The following NRK variants were observed in gnomAD, a reference collection of about 807,000 sequenced individuals.
NRK encodes the protein nik-related protein kinase.
Under a neutral mutation model 125.2 loss-of-function variants are expected in NRK, and 67 were observed. The ratio of observed to expected loss-of-function variants is 0.54; its 90% confidence interval spans 0.44 to 0.66. The LOEUF is 0.66. Ranked by LOEUF, NRK falls within the 30% of genes least tolerant of loss-of-function variation. The pLI, the probability that NRK is intolerant of heterozygous loss-of-function variation, is 0.00. For missense variants in NRK, 1,224 were observed against 1,192.9 expected (o/e 1.03, Z -0.38); for synonymous variants, 458 against 429.0 (o/e 1.07, Z -0.84).
At position 105,921,667 on chromosome X, in the gene NRK, A is replaced by G. The variant is rs1399639015; in HGVS notation, c.2513-297A>G. On this transcript the variant is annotated intron_variant, in intron 16 of 28. Coordinates refer to ENST00000243300, the MANE Select transcript of NRK (RefSeq NM_198465.4). ...TATCTACCTGGCTATCAGTTGGACT[A>G]TGTATCTTCTTACATAGATAGAGAT... is the stretch of plus-strand genomic sequence containing the variant. Among the ~76,000 whole-genome samples, 3 of 108,637 alleles carry G rather than the reference A, an allele frequency of 2.8e-5. No homozygotes were observed. In the Admixed American group the frequency reaches 3.0e-4, roughly 11 times the overall value. The allele number at this position is 108,637 out of a possible 115,157, so 94.3% of individuals were successfully genotyped here.
At position 105,822,920 on chromosome X, in the gene NRK, G is replaced by A; in HGVS notation, c.57+18G>A. ...ACCTGCCGGTGAGTAGAGGACGCCC[G>A]TCGCCCCCCGAAATGCTCTCTTTTG... On this transcript the variant is annotated intron_variant, in intron 1 of 28. Transcript: ENST00000243300. 1 of 1,144,606 alleles carries A rather than the reference G, an allele frequency of 8.7e-7. No individual in the cohort carries two copies. The highest frequency in any genetic ancestry group is 1.2e-6 in the Non-Finnish European group (1 of 854,202). 94.3% of individuals were successfully genotyped at this position (1,144,606 alleles called of 1,213,427 possible).
intron 2 of NRK, among the ~76,000 whole-genome samples, chrX:105,879,048 C>T (rs1167193060): frequency 9.0e-6 from 1 of 110,997 alleles, no homozygotes; most frequent in Non-Finnish European, 1.9e-5. Context: ...ATCAACAATC[C>T]TTGACATTTC....
At chrX:105,839,081 T>G (rs914662150) in intron 2 of NRK, among the ~76,000 whole-genome samples, 2 of 111,202 alleles carry the variant, frequency 1.8e-5, no homozygotes. Context: ...TCAAAGTTGA[T>G]GACATACAAT....
At chrX:105,906,681 T>G in intron 11 of NRK, 92 bp downstream of exon 11, 1 of 496,492 alleles carries the variant, frequency 2.0e-6, no homozygotes, top group Non-Finnish European at 3.2e-6. Flanking sequence ...GTTTAAGACT[T>G]AGATTGAAAA....
chrX:105,856,702 A>G (rs953356864), intron 2 of NRK, among the ~76,000 whole-genome samples: 7 of 111,893 alleles, frequency 6.3e-5, no homozygotes, highest in African/African-American at 2.3e-4. Flanking sequence ...CTATACATAT[A>G]TATGAGAATG....
At chrX:105,946,963 C>A (rs933027902) in intron 26 of NRK, among the ~76,000 whole-genome samples, 50 of 111,823 alleles carry the variant, frequency 4.5e-4, no homozygotes, top group Non-Finnish European at 7.7e-4. Flanking sequence ...AATGCATTAA[C>A]AAATTTTTAA....
At chrX:105,861,565 G>A (rs2039601535) in intron 2 of NRK, among the ~76,000 whole-genome samples, 2 of 111,762 alleles carry the variant, frequency 1.8e-5, no homozygotes, top group South Asian at 7.5e-4. Flanking sequence ...GTAGAAGGGA[G>A]GGGCACACTT....
At chrX:105,908,092 C>T in intron 11 of NRK, 148 bp from the exon 12 acceptor site, 1 of 362,340 alleles carries the variant, frequency 2.8e-6, no homozygotes, top group Non-Finnish European at 4.8e-6. Flanking sequence ...TGGTCTACAT[C>T]ACAAACCAAG....
intron 2 of NRK, among the ~76,000 whole-genome samples, chrX:105,844,297 A>G (rs1968368323): frequency 9.0e-6 from 1 of 110,951 alleles, no homozygotes; most frequent in Non-Finnish European, 1.9e-5. Context: ...ATACTGGTAG[A>G]GAGCAGAGTC....
intron 20 of NRK, among the ~76,000 whole-genome samples, chrX:105,934,796 A>G (rs1047269401): frequency 8.0e-5 from 9 of 112,314 alleles, no homozygotes; most frequent in Middle Eastern, 4.6e-3. Context: ...AAAATACAAT[A>G]AAAGGAAAGA....
chrX:105,931,396 C>A (rs1373521700), intron 19 of NRK, among the ~76,000 whole-genome samples: 1 of 111,862 alleles, frequency 8.9e-6, no homozygotes, highest in East Asian at 2.8e-4. Context: ...TGCTCCTTAT[C>A]TGGAGCAATG....
chrX:105,918,911 T>C (rs2040400358), intron 16 of NRK, among the ~76,000 whole-genome samples: 1 of 107,097 alleles, frequency 9.3e-6, no homozygotes, highest in African/African-American at 3.4e-5. Flanking sequence ...CAGAGCACCT[T>C]ACTATAAATT....
rs773136239 is a variant in NRK at position 105,893,601 on chromosome X, A to T, written c.379-231A>T. Among the ~76,000 whole-genome samples the T allele has an allele frequency of 2.7e-5, 3 of 112,092 alleles. No homozygotes were observed. The South Asian group carries it at 1.1e-3, about 41-fold the overall frequency. ...AGCTCAAACCCCAACTTCCAGTTAA[A>T]TATCTCTGGTGAAATACCTGGCTTC... On this transcript the variant is annotated intron_variant, in intron 5 of 28. Coordinates refer to ENST00000243300, the MANE Select transcript of NRK (RefSeq NM_198465.4).
intron 7 of NRK, among the ~76,000 whole-genome samples, chrX:105,895,929 C>A (rs772264685): frequency 8.9e-6 from 1 of 111,820 alleles, no homozygotes; most frequent in East Asian, 2.8e-4. Flanking sequence ...CATATTTTCT[C>A]AAGAATATCA....
intron 21 of NRK, among the ~76,000 whole-genome samples, chrX:105,935,817 A>T (rs1407156054): frequency 3.3e-4 from 35 of 105,866 alleles, no homozygotes; most frequent in Non-Finnish European, 3.8e-5. Context: ...TATATTTTAT[A>T]TATATATATA....
intron 2 of NRK, among the ~76,000 whole-genome samples, chrX:105,833,076 G>A (rs374898404): frequency 5.4e-5 from 6 of 111,161 alleles, no homozygotes; most frequent in African/African-American, 2.0e-4. Context: ...AGCACCCATA[G>A]CATAGAAACT....
intron 2 of NRK, among the ~76,000 whole-genome samples, chrX:105,872,713 A>G (rs1419433031): frequency 9.0e-6 from 1 of 111,456 alleles, no homozygotes; most frequent in African/African-American, 3.3e-5. Flanking sequence ...AATACTAACC[A>G]AATCACCATT....
At chrX:105,907,363 A>G (rs1228579715) in intron 11 of NRK, 1 of 112,022 alleles carries the variant, frequency 8.9e-6, no homozygotes, top group African/African-American at 3.2e-5. Flanking sequence ...GACCATAGGC[A>G]GAGTTGAGAG....
intron 2 of NRK, among the ~76,000 whole-genome samples, chrX:105,831,832 A>C (rs979289199): frequency 1.8e-5 from 2 of 111,823 alleles, no homozygotes; most frequent in African/African-American, 6.5e-5. Flanking sequence ...TTCAACCAAC[A>C]TTGTATCAAA....
Sources: allele counts gnomAD v4.1 joint callset (sites outside exome capture counted in the v4.1 genomes callset), GRCh38; gene constraint gnomAD v4.1.1; transcripts MANE v1.5; gene names NCBI Gene and HGNC (gene_info 2026-07-23, HGNC 2026-07-21).